CDH4: variants seen among roughly 807,000 people sequenced by gnomAD.
CDH4 encodes the protein cadherin-4.
A neutral mutation model predicts 86.0 loss-of-function variants in CDH4; 33 were observed. That is an observed-to-expected ratio of 0.38 (90% CI 0.29 to 0.51). The LOEUF is 0.51. Ranked by LOEUF, CDH4 falls within the 20% of genes least tolerant of loss-of-function variation. CDH4 has a pLI of 0.86. For missense variants in CDH4, 1,114 were observed against 1,307.4 expected (o/e 0.85, Z 2.28); for synonymous variants, 555 against 549.4 (o/e 1.01, Z -0.14).
chr20:61,567,082 C>T (rs1355837454), intron 2 of CDH4, among the ~76,000 whole-genome samples: 1 of 152,220 alleles, frequency 6.6e-6, no homozygotes, highest in Non-Finnish European at 1.5e-5. Context: ...GGGACTCAAC[C>T]TGTCACCCTA....
At chr20:61,536,527 G>C (rs1387541081) in intron 2 of CDH4, among the ~76,000 whole-genome samples, 1 of 152,090 alleles carries the variant, frequency 6.6e-6, no homozygotes, top group African/African-American at 2.4e-5. Flanking sequence ...CGAAACTCAA[G>C]CCAGGCCCCT....
chr20:61,847,669 G>A (rs769054068), intron 5 of CDH4, among the ~76,000 whole-genome samples: 5 of 152,224 alleles, frequency 3.3e-5, no homozygotes, highest in African/African-American at 4.8e-5. Flanking sequence ...TTTGGCTCAC[G>A]GTTCTGCAGG....
At position 61,676,449 on chromosome 20, in the gene CDH4, A is replaced by G. The variant is rs115262014; in HGVS notation, c.170-67114A>G. ...GGGGGAGGGATGGTGTGAACAATGGAGGCCCGGGGCTCCCTCCTCCTGGGT... is the reference window on the plus strand; with the variant it reads ...GGGGGAGGGATGGTGTGAACAATGGGGGCCCGGGGCTCCCTCCTCCTGGGT... On this transcript the variant is annotated intron_variant, in intron 2 of 15. Transcript: ENST00000614565. The surrounding 1 kb of genome is among the most constrained non-coding windows in gnomAD (Gnocchi z 4.5). Among the ~76,000 whole-genome samples the G allele has an allele frequency of 2.2e-3, 338 of 152,186 alleles. 2 individuals are homozygous for G. The highest frequency in any genetic ancestry group is 7.6e-3 in the African/African-American group (316 of 41,530).
intron 4 of CDH4, among the ~76,000 whole-genome samples, chr20:61,795,241 A>G: frequency 1.5e-5 from 1 of 67,788 alleles, no homozygotes. Context: ...TTTCATACAG[A>G]TCATCTCTAA....
chr20:61,447,323 A>ATTTTTTT (rs71331923), intron 2 of CDH4, among the ~76,000 whole-genome samples: 50 of 110,780 alleles, frequency 4.5e-4, no homozygotes, highest in African/African-American at 1.6e-3. Context: ...CGCCCAGCTG[A>ATTTTTTT]TTTTTTTTTT....
Position 61,518,347 on chromosome 20 carries a change from C to T in CDH4, c.170-225216C>T, listed in dbSNP as rs1387346431. On this transcript the variant is annotated intron_variant, in intron 2 of 15. Transcript: ENST00000614565. This position sits in a 1 kb window ranked among gnomAD's most constrained non-coding sequence, Gnocchi z 6.3. ...TCTTCCCTATGCTAAGTCTGTTCCA[C>T]CTAAAGGAAAGGTACGTTATCAGAT... Among the ~76,000 whole-genome samples, 1 of 152,108 alleles carries T rather than the reference C, an allele frequency of 6.6e-6. No homozygotes were observed. The highest frequency in any genetic ancestry group is 1.9e-4 in the East Asian group (1 of 5,176).
chr20:61,732,224 T>A (rs1403807214), intron 2 of CDH4, among the ~76,000 whole-genome samples: 1 of 152,196 alleles, frequency 6.6e-6, no homozygotes, highest in East Asian at 1.9e-4. Context: ...TGGGAGACAG[T>A]GGCTTCCTAG....
At chr20:61,370,908 T>A (rs553436291) in intron 2 of CDH4, 2 of 152,354 alleles carry the variant, frequency 1.3e-5, no homozygotes, top group East Asian at 3.9e-4. Context: ...TGGTGCCGGC[T>A]CTTTGTCCTT....
At chr20:61,486,725 TA>T (rs11204428) in intron 2 of CDH4, among the ~76,000 whole-genome samples, 21 of 150,292 alleles carry the variant, frequency 1.4e-4, no homozygotes, top group African/African-American at 4.9e-4. Context: ...CCTCACCTCT[TA>T]AAAAAAAAAT....
chr20:61,359,323 A>G (rs1009937019), intron 2 of CDH4, among the ~76,000 whole-genome samples: 1 of 152,246 alleles, frequency 6.6e-6, no homozygotes. Flanking sequence ...CCGACCCCGA[A>G]TTCTGTGGCC....
chr20:61,802,027 A>C (rs1208695563), intron 4 of CDH4, among the ~76,000 whole-genome samples: 1 of 152,254 alleles, frequency 6.6e-6, no homozygotes, highest in Non-Finnish European at 1.5e-5. Context: ...CAGACCTGTA[A>C]GTGGCGCAAG....
rs531905933 is a variant in CDH4, at chr20:61,781,393, G to A, written c.576+8211G>A. Among the ~76,000 whole-genome samples, 274 of 151,896 alleles carry A rather than the reference G, an allele frequency of 1.8e-3. 1 individual carries two copies. Among genetic ancestry groups the A allele is most frequent in the South Asian group, 7.3e-3 (35 of 4,822 alleles). On this transcript the variant is annotated intron_variant, in intron 4 of 15. Transcript: ENST00000614565. ...GTATGTTCAAGGGTCAGAATAGATGGATAGATGGATAGATGGGGAATCACA... is the reference window on the plus strand; with the variant it reads ...GTATGTTCAAGGGTCAGAATAGATGAATAGATGGATAGATGGGGAATCACA...
chr20:61,368,963 T>A (rs137858968), intron 2 of CDH4, among the ~76,000 whole-genome samples: 4 of 152,344 alleles, frequency 2.6e-5, no homozygotes, highest in African/African-American at 9.6e-5. Flanking sequence ...ATTTTTGTGA[T>A]ATATCCCTGA....
At chr20:61,391,482 G>A (rs573110196) in intron 2 of CDH4, among the ~76,000 whole-genome samples, 1 of 152,294 alleles carries the variant, frequency 6.6e-6, no homozygotes, top group East Asian at 1.9e-4. Context: ...CATCGCCAGG[G>A]CTAGACACAT....
At chr20:61,905,073 G>C (rs895643537) in intron 8 of CDH4, among the ~76,000 whole-genome samples, 1 of 152,234 alleles carries the variant, frequency 6.6e-6, no homozygotes, top group Non-Finnish European at 1.5e-5. Flanking sequence ...TGGGTGCACA[G>C]TTGAATTCTA....
At chr20:61,826,723 G>A (rs1981331351) in intron 4 of CDH4, among the ~76,000 whole-genome samples, 1 of 152,138 alleles carries the variant, frequency 6.6e-6, no homozygotes, top group African/African-American at 2.4e-5. Flanking sequence ...GGGTGTGCTG[G>A]GTCCTTCGAG....
intron 7 of CDH4, among the ~76,000 whole-genome samples, chr20:61,894,683 C>T (rs771045914): frequency 5.9e-5 from 9 of 152,190 alleles, no homozygotes; most frequent in African/African-American, 9.6e-5. Context: ...AGGCAAACCT[C>T]TTCATGCCGC....
chr20:61,715,700 G>A (rs952090925), intron 2 of CDH4, among the ~76,000 whole-genome samples: 11 of 152,180 alleles, frequency 7.2e-5, no homozygotes, highest in Admixed American at 1.3e-4. Context: ...CAGCTTTGCC[G>A]GAGTCTGGGG....
intron 3 of CDH4, among the ~76,000 whole-genome samples, chr20:61,764,555 T>C (rs1484591499): frequency 6.6e-6 from 1 of 150,710 alleles, no homozygotes; most frequent in African/African-American, 2.4e-5. Context: ...GGGTGGAGAG[T>C]GAACACACCT....
Sources: allele counts gnomAD v4.1 joint callset (sites outside exome capture counted in the v4.1 genomes callset), GRCh38; gene constraint gnomAD v4.1.1; non-coding constraint Gnocchi (gnomAD v3.1); transcripts MANE v1.5; gene names NCBI Gene and HGNC (gene_info 2026-07-23, HGNC 2026-07-21).